The following CNKSR2 variants were observed in gnomAD, a reference collection of about 807,000 sequenced individuals.
CNKSR2 encodes CNK homolog protein 2.
A neutral mutation model predicts 84.4 loss-of-function variants in CNKSR2; 14 were observed. The observed-to-expected ratio is 0.17, with a 90% CI of 0.11 to 0.26. CNKSR2 has a LOEUF of 0.26. Ranked by LOEUF, CNKSR2 falls within the 10% of genes least tolerant of loss-of-function variation. The probability of loss-of-function intolerance (pLI) is 1.00; values close to 1 mark genes in which losing one functional copy is unlikely to be tolerated. For synonymous variants in CNKSR2, 275 were observed against 277.9 expected (o/e 0.99, Z 0.10); for missense variants, 485 against 771.2 (o/e 0.63, Z 4.40).
At chrX:21,414,041 A>G (rs2090382293) in intron 1 of CNKSR2, among the ~76,000 whole-genome samples, 2 of 111,526 alleles carry the variant, frequency 1.8e-5, no homozygotes, top group South Asian at 7.5e-4. Context: ...CCCAGTGCAG[A>G]TATCTTACTG....
At chrX:21,382,469 A>G (rs1343682971) in intron 1 of CNKSR2, among the ~76,000 whole-genome samples, 3 of 111,437 alleles carry the variant, frequency 2.7e-5, no homozygotes, top group African/African-American at 9.8e-5. Flanking sequence ...CCCTTCATTC[A>G]AATTTTCTAA....
At chrX:21,553,161 CA>C (rs924373008) in intron 11 of CNKSR2, among the ~76,000 whole-genome samples, 286 of 108,498 alleles carry the variant, frequency 2.6e-3, no homozygotes, top group African/African-American at 7.5e-3. Context: ...CTTAAACAAA[CA>C]AAAAAAAACT....
At chrX:21,506,511 C>G (rs1338398747) in intron 8 of CNKSR2, 1 of 111,474 alleles carries the variant, frequency 9.0e-6, no homozygotes, top group African/African-American at 3.3e-5. Context: ...TTGATATAAA[C>G]TGTATTTTTA....
rs765652948 is a variant in CNKSR2, at chrX:21,590,601, A to G, written c.1638A>G (p.Lys546=). The G allele has an allele frequency of 8.3e-7, 1 of 1,209,360 alleles. No homozygotes were observed. Among genetic ancestry groups the G allele is most frequent in the Admixed American group, 2.2e-5 (1 of 45,811 alleles). ...HTFQQSSLQH[K]SKKKNKGPIA... ...TTCAGCAGTCCTCACTGCAGCACAAATCAAAGAAGAAAAACAAAGGTAAGA... is the reference window on the plus strand; with the variant it reads ...TTCAGCAGTCCTCACTGCAGCACAAGTCAAAGAAGAAAAACAAAGGTAAGA... The change falls in exon 14 of 22, where the codon AAA becomes AAG. Residue 546 remains lysine, a synonymous_variant. Transcript: ENST00000379510.
intron 5 of CNKSR2, among the ~76,000 whole-genome samples, chrX:21,483,533 A>G (rs1042567006): frequency 9.2e-6 from 1 of 108,221 alleles, no homozygotes; most frequent in African/African-American, 3.4e-5. Context: ...TGGCACATGT[A>G]TACATATGTA....
At chrX:21,486,527 AT>A (rs1159097631) in intron 5 of CNKSR2, among the ~76,000 whole-genome samples, 1 of 111,985 alleles carries the variant, frequency 8.9e-6, no homozygotes, top group Non-Finnish European at 1.9e-5. Context: ...ACCTTGGTCT[AT>A]TTAGCCTCCT....
At chrX:21,486,916 G>A (rs756240340) in intron 5 of CNKSR2, among the ~76,000 whole-genome samples, 4 of 111,615 alleles carry the variant, frequency 3.6e-5, no homozygotes, top group Admixed American at 9.5e-5. Context: ...GTAACTTGAT[G>A]TATGATGCAG....
intron 6 of CNKSR2, among the ~76,000 whole-genome samples, chrX:21,496,417 C>A (rs1011696917): frequency 9.0e-6 from 1 of 111,652 alleles, no homozygotes; most frequent in Non-Finnish European, 1.9e-5. Flanking sequence ...TAGGCAAAAA[C>A]TACTGGCCAA....
At chrX:21,419,953 C>T (rs1255948493) in intron 1 of CNKSR2, among the ~76,000 whole-genome samples, 1 of 112,522 alleles carries the variant, frequency 8.9e-6, no homozygotes, top group African/African-American at 3.2e-5. Flanking sequence ...AATGCCAAAG[C>T]CAGTGGGCTT....
intron 1 of CNKSR2, among the ~76,000 whole-genome samples, chrX:21,404,070 A>T (rs1312389477): frequency 8.9e-6 from 1 of 112,315 alleles, no homozygotes; most frequent in Non-Finnish European, 1.9e-5. Flanking sequence ...TAGCTTAATT[A>T]GTTGAAAGAT....
intron 9 of CNKSR2, among the ~76,000 whole-genome samples, chrX:21,521,660 T>C (rs915859197): frequency 7.2e-5 from 8 of 110,738 alleles, no homozygotes; most frequent in Non-Finnish European, 1.5e-4. Context: ...AGCCATTTTA[T>C]AGTGTGACTC....
intron 4 of CNKSR2, among the ~76,000 whole-genome samples, chrX:21,462,993 A>G (rs2091081624): frequency 9.0e-6 from 1 of 110,966 alleles, no homozygotes; most frequent in Admixed American, 9.5e-5. Flanking sequence ...GGCATGAGCC[A>G]CCGAGTCCGG....
chrX:21,396,431 CAG>C (rs1024686858), intron 1 of CNKSR2, among the ~76,000 whole-genome samples: 22 of 110,593 alleles, frequency 2.0e-4, no homozygotes, highest in African/African-American at 6.9e-4. Context: ...ATGCATCAAA[CAG>C]ATTTTTTTAA....
intron 1 of CNKSR2, among the ~76,000 whole-genome samples, chrX:21,404,789 CA>C (rs59192713): frequency 0.027 from 817 of 30,069 alleles, 4 homozygotes; most frequent in South Asian, 0.098. Context: ...AACTCTGTCT[CA>C]AAAAAAAAAA....
intron 13 of CNKSR2, among the ~76,000 whole-genome samples, chrX:21,570,960 G>T (rs1269109582): frequency 1.8e-5 from 2 of 112,296 alleles, no homozygotes; most frequent in African/African-American, 3.2e-5. Context: ...ATTAGGCTTT[G>T]GTGTAAGGGA....
intron 9 of CNKSR2, among the ~76,000 whole-genome samples, chrX:21,518,047 A>G (rs2091746214): frequency 8.9e-6 from 1 of 112,183 alleles, no homozygotes. Flanking sequence ...TCAAGTTAAT[A>G]TATGTAAAAC....
At chrX:21,574,614 C>G (rs990551033) in intron 13 of CNKSR2, among the ~76,000 whole-genome samples, 4 of 111,173 alleles carry the variant, frequency 3.6e-5, no homozygotes, top group African/African-American at 1.3e-4. Context: ...GGTAACTGCC[C>G]CCATGCTTCA....
At chrX:21,623,024 T>C (rs2092608358) in intron 20 of CNKSR2, among the ~76,000 whole-genome samples, 1 of 110,975 alleles carries the variant, frequency 9.0e-6, no homozygotes, top group Non-Finnish European at 1.9e-5. Context: ...GTATAGAGTA[T>C]TGGAACCCTA....
chrX:21,544,173 A>G (rs2092001245), intron 11 of CNKSR2, among the ~76,000 whole-genome samples: 1 of 112,549 alleles, frequency 8.9e-6, no homozygotes, highest in Non-Finnish European at 1.9e-5. Context: ...TACCAAGCCA[A>G]TAGCTGGCCA....
Sources: allele counts gnomAD v4.1 joint callset (sites outside exome capture counted in the v4.1 genomes callset), GRCh38; gene constraint gnomAD v4.1.1; transcripts MANE v1.5; gene names NCBI Gene and HGNC (gene_info 2026-07-23, HGNC 2026-07-21).